BEND3: variants seen among roughly 807,000 people sequenced by gnomAD.
The protein encoded by BEND3 is BEN domain-containing protein 3.
A neutral mutation model predicts 60.1 loss-of-function variants in BEND3; 13 were observed. That is an observed-to-expected ratio of 0.22 (90% confidence interval 0.14 to 0.34). The LOEUF (loss-of-function observed/expected upper bound fraction) is 0.34, where lower values mean the gene tolerates loss of function less well. Ranked by LOEUF, BEND3 falls within the 10% of genes least tolerant of loss-of-function variation. The pLI is 1.00. For missense variants in BEND3, 896 were observed against 1,138.1 expected, an observed-to-expected ratio of 0.79 and a Z score of 3.06; for synonymous variants, 497 against 491.5, an observed-to-expected ratio of 1.01 and a Z score of -0.15.
intron 1 of BEND3, among the ~76,000 whole-genome samples, chr6:107,106,774 A>C (rs1291373209): frequency 6.6e-6 from 1 of 151,882 alleles, no homozygotes; most frequent in South Asian, 2.1e-4. Context: ...ACACCCAGCT[A>C]ATTTTTTATT....
chr6:107,114,767 C>T (rs1228486982), intron 1 of BEND3, among the ~76,000 whole-genome samples: 1 of 145,980 alleles, frequency 6.9e-6, no homozygotes, highest in Non-Finnish European at 1.5e-5. Flanking sequence ...ACGGTTCCAC[C>T]GCGCGAACCC....
chr6:107,071,032 G>A, intron 3 of BEND3, 82 bp from the exon 4 acceptor site: 1 of 1,348,310 alleles, frequency 7.4e-7, no homozygotes, highest in Non-Finnish European at 1.0e-6. Flanking sequence ...GTAGCACACA[G>A]AGGCCGAGGT....
intron 3 of BEND3, among the ~76,000 whole-genome samples, chr6:107,074,218 C>T (rs1035219735): frequency 3.3e-5 from 5 of 152,146 alleles, no homozygotes; most frequent in Non-Finnish European, 7.3e-5. Context: ...GAGTTCGAAA[C>T]TAGCCTGGCC....
intron 1 of BEND3, among the ~76,000 whole-genome samples, chr6:107,107,404 A>C (rs311210): frequency 6.6e-6 from 1 of 151,844 alleles, no homozygotes; most frequent in Non-Finnish European, 1.5e-5. Context: ...TAGCACTCAA[A>C]GTTACCTATT....
intron 1 of BEND3, chr6:107,106,012 T>A (rs1213952411): frequency 6.6e-6 from 1 of 152,232 alleles, no homozygotes; most frequent in African/African-American, 2.4e-5. Context: ...GTGGAGAGAA[T>A]ATGCTCAGTC....
chr6:107,089,367 C>T (rs1477990729), intron 3 of BEND3, among the ~76,000 whole-genome samples: 3 of 151,532 alleles, frequency 2.0e-5, no homozygotes, highest in Non-Finnish European at 4.4e-5. Flanking sequence ...CGGATCACGA[C>T]GTCAGGAAAT....
intron 1 of BEND3, among the ~76,000 whole-genome samples, chr6:107,099,720 A>T (rs1554236534): frequency 6.6e-6 from 1 of 152,156 alleles, no homozygotes; most frequent in East Asian, 1.9e-4. Context: ...TTGTCAAGAG[A>T]ACTGTGCTGC....
At chr6:107,094,901 G>C (rs1554235763) in intron 3 of BEND3, among the ~76,000 whole-genome samples, 1 of 145,210 alleles carries the variant, frequency 6.9e-6, no homozygotes, top group African/African-American at 2.5e-5. Flanking sequence ...GTTCACGGCA[G>C]CCCCGACCTC....
At chr6:107,097,790 CAAAAAAAAAA>C (rs10674719) in intron 3 of BEND3, among the ~76,000 whole-genome samples, 3 of 53,350 alleles carry the variant, frequency 5.6e-5, no homozygotes, top group Admixed American at 3.0e-4. Context: ...AACTCCGTCT[CAAAAAAAAAA>C]AAAAAAAAAA....
rs782111679 is a variant in BEND3, at chr6:107,070,397, T to TC, written c.793dup (p.Asp265GlyfsTer95). On this transcript the variant is annotated frameshift_variant, in exon 4 of 4. Coordinates refer to ENST00000369042, the MANE Select transcript of BEND3 (RefSeq NM_001367314.1). LOFTEE classifies it high-confidence loss of function. This position sits in a 1 kb window ranked among gnomAD's most constrained non-coding sequence, Gnocchi z 6.9. ...CTGCACCAGCAAGCGGCAGGCCAGG[T>TC]CCCCCCCTGACAGGCTCTGGTCCAC... 1.2e-6 allele frequency: 2 copies of TC among 1,613,498 alleles called. No homozygotes were observed. Among genetic ancestry groups the TC allele is most frequent in the Non-Finnish European group, 8.5e-7 (1 of 1,179,938 alleles).
At chr6:107,099,893 A>C (rs1345163582) in intron 1 of BEND3, among the ~76,000 whole-genome samples, 1 of 151,950 alleles carries the variant, frequency 6.6e-6, no homozygotes, top group East Asian at 1.9e-4. Flanking sequence ...TTTAGAGGAA[A>C]GGTCTCACTC....
chr6:107,095,575 A>G (rs1775569827), intron 3 of BEND3, among the ~76,000 whole-genome samples: 1 of 152,234 alleles, frequency 6.6e-6, no homozygotes, highest in Non-Finnish European at 1.5e-5. Flanking sequence ...TTATGTCCAC[A>G]TGAAAACCTA....
intron 1 of BEND3, among the ~76,000 whole-genome samples, chr6:107,103,076 C>A (rs1261045384): frequency 1.3e-5 from 2 of 152,144 alleles, no homozygotes; most frequent in Non-Finnish European, 2.9e-5. Context: ...ACCAGGAAAC[C>A]ACATCTCCTT....
rs1015175660 is a variant in BEND3 at position 107,094,729 on chromosome 6, C to T, written c.240+3822G>A. On this transcript the variant is annotated intron_variant, in intron 3 of 3. Coordinates refer to ENST00000369042, the MANE Select transcript of BEND3 (RefSeq NM_001367314.1). ...GTTAGCCAGGCATGGTGCTGCCATG[C>T]CTGTAGTCCCAGCTACTTGGGAGTC... 4.7e-4 allele frequency among the ~76,000 whole-genome samples: 72 copies of T among 151,586 alleles called. 1 individual carries two copies. The highest frequency in any genetic ancestry group is 2.0e-4 in the Admixed American group (3 of 15,232).
At chr6:107,086,229 C>G (rs1384648266) in intron 3 of BEND3, among the ~76,000 whole-genome samples, 6 of 152,076 alleles carry the variant, frequency 3.9e-5, no homozygotes, top group Non-Finnish European at 8.8e-5. Context: ...GAGAAATAGC[C>G]AACATCAGCC....
At chr6:107,093,827 G>C (rs2593786) in intron 3 of BEND3, among the ~76,000 whole-genome samples, 117,032 of 152,200 alleles carry the variant, frequency 0.77, 46,582 homozygotes, top group Non-Finnish European at 0.86. Context: ...ATGACCTTGG[G>C]TTTGGCAGTA....
At chr6:107,100,373 T>C (rs1775679720) in intron 1 of BEND3, among the ~76,000 whole-genome samples, 1 of 152,126 alleles carries the variant, frequency 6.6e-6, no homozygotes, top group South Asian at 2.1e-4. Flanking sequence ...CTCCAAGTGA[T>C]TCTCCTGCCT....
At chr6:107,109,665 G>A (rs1775899880) in intron 1 of BEND3, among the ~76,000 whole-genome samples, 1 of 151,650 alleles carries the variant, frequency 6.6e-6, no homozygotes, top group African/African-American at 2.4e-5. Flanking sequence ...CTTGCAGTCA[G>A]GAGTTCGAGA....
chr6:107,072,546 G>A (rs1335714564), intron 3 of BEND3, among the ~76,000 whole-genome samples: 1 of 152,232 alleles, frequency 6.6e-6, no homozygotes, highest in Non-Finnish European at 1.5e-5. Context: ...GTAGGGAAAA[G>A]AGACAACCTC....
Sources: gnomAD v4.1 joint callset for allele counts (sites outside exome capture counted in the v4.1 genomes callset) on GRCh38, gnomAD v4.1.1 for gene constraint, Gnocchi (gnomAD v3.1) non-coding constraint, MANE v1.5 for transcripts, NCBI Gene and HGNC (gene_info 2026-07-23, HGNC 2026-07-21) for gene names.